The following USH2A variants were observed in gnomAD, a reference collection of about 807,000 sequenced individuals.
USH2A encodes the protein usherin.
USH2A carries 443 observed loss-of-function variants against 538.9 expected under a neutral mutation model. That is an observed-to-expected ratio of 0.82 (90% CI 0.76 to 0.89). The LOEUF (loss-of-function observed/expected upper bound fraction) is 0.89. Ranked by LOEUF, USH2A falls within the 40% of genes least tolerant of loss-of-function variation. USH2A has a pLI of 0.00. For missense variants in USH2A, 6,633 were observed against 6,324.8 expected, an observed-to-expected ratio of 1.05 and a Z score of -1.65; for synonymous variants, 2,413 against 2,273.5, an observed-to-expected ratio of 1.06 and a Z score of -1.75.
chr1:216,411,760 G>A (rs1382943867), intron 3 of USH2A, among the ~76,000 whole-genome samples: 1 of 152,076 alleles, frequency 6.6e-6, no homozygotes, highest in Non-Finnish European at 1.5e-5. Context: ...GGATTCTAGA[G>A]GTTTCAGAAA....
intron 38 of USH2A, among the ~76,000 whole-genome samples, chr1:215,917,925 T>C (rs1396957496): frequency 6.6e-6 from 1 of 151,836 alleles, no homozygotes; most frequent in Non-Finnish European, 1.5e-5. Flanking sequence ...ACTGTGCCAC[T>C]ACACTCTAGC....
At chr1:215,702,710 G>A (rs1447345524) in intron 61 of USH2A, among the ~76,000 whole-genome samples, 1 of 151,552 alleles carries the variant, frequency 6.6e-6, no homozygotes, top group East Asian at 2.0e-4. Context: ...AGCAGTTCCT[G>A]TAACCTTTTT....
At chr1:215,981,034 A>G (rs1446857434) in intron 35 of USH2A, among the ~76,000 whole-genome samples, 1 of 152,166 alleles carries the variant, frequency 6.6e-6, no homozygotes, top group South Asian at 2.1e-4. Context: ...AAGTATGTCA[A>G]TTCTAGTGTA....
chr1:216,129,489 G>A (rs2033324239), intron 21 of USH2A, among the ~76,000 whole-genome samples: 1 of 150,812 alleles, frequency 6.6e-6, no homozygotes, highest in Non-Finnish European at 1.5e-5. Context: ...TAAAATACCT[G>A]GAATAAACTA....
At chr1:216,011,141 T>A (rs1216418243) in intron 32 of USH2A, among the ~76,000 whole-genome samples, 1 of 152,176 alleles carries the variant, frequency 6.6e-6, no homozygotes, top group Admixed American at 6.5e-5. Context: ...TCAGGATCTA[T>A]GCCTTATCAA....
chr1:216,255,402 A>G (rs1440960307), intron 11 of USH2A, among the ~76,000 whole-genome samples: 2 of 152,194 alleles, frequency 1.3e-5, no homozygotes, highest in Admixed American at 1.3e-4. Flanking sequence ...CATATTGGGT[A>G]TCTCACAATT....
chr1:215,891,529 A>G (rs1665210705), intron 40 of USH2A, among the ~76,000 whole-genome samples: 1 of 152,230 alleles, frequency 6.6e-6, no homozygotes, highest in Admixed American at 6.5e-5. Context: ...ATGAGTAATA[A>G]CTATAATTGG....
intron 36 of USH2A, among the ~76,000 whole-genome samples, chr1:215,969,009 T>C (rs1667427541): frequency 6.6e-6 from 1 of 152,188 alleles, no homozygotes; most frequent in South Asian, 2.1e-4. Context: ...TCCTTCATGA[T>C]TGTGCTAGCC....
At chr1:216,152,515 C>A (rs552579527) in intron 21 of USH2A, among the ~76,000 whole-genome samples, 1 of 151,968 alleles carries the variant, frequency 6.6e-6, no homozygotes, top group East Asian at 2.0e-4. Context: ...AGAGAACAAA[C>A]CCCCTTTGAC....
intron 38 of USH2A, among the ~76,000 whole-genome samples, chr1:215,914,863 G>C (rs1166611003): frequency 6.6e-6 from 1 of 152,114 alleles, no homozygotes; most frequent in Non-Finnish European, 1.5e-5. Context: ...AAAGTTCAAA[G>C]TTTTGGTAAA....
chr1:215,670,359 G>T (rs1657774797), intron 64 of USH2A, among the ~76,000 whole-genome samples: 1 of 152,156 alleles, frequency 6.6e-6, no homozygotes, highest in Non-Finnish European at 1.5e-5. Flanking sequence ...ATCACAAGAA[G>T]AATGCAAATG....
At chr1:216,155,758 C>A (rs868265510) in intron 21 of USH2A, among the ~76,000 whole-genome samples, 12 of 152,088 alleles carry the variant, frequency 7.9e-5, no homozygotes, top group African/African-American at 2.9e-4. Flanking sequence ...GCAAGCAGAA[C>A]CTTTTGCCTT....
intron 40 of USH2A, among the ~76,000 whole-genome samples, chr1:215,899,824 G>T (rs1049517829): frequency 3.9e-5 from 6 of 152,090 alleles, no homozygotes; most frequent in Admixed American, 3.3e-4. Flanking sequence ...ATAGAATGGG[G>T]CCATATCATA....
At chr1:216,077,018 G>T (rs2031775955) in intron 27 of USH2A, among the ~76,000 whole-genome samples, 1 of 152,228 alleles carries the variant, frequency 6.6e-6, no homozygotes, top group East Asian at 1.9e-4. Context: ...GAGAGACTTA[G>T]TGTCTTGCTA....
At chr1:216,311,285 C>T (rs1244086510) in intron 9 of USH2A, among the ~76,000 whole-genome samples, 1 of 152,178 alleles carries the variant, frequency 6.6e-6, no homozygotes, top group Non-Finnish European at 1.5e-5. Context: ...GGACAGGTCT[C>T]TTTCCGGTAA....
chr1:216,076,973 G>T (rs1430929605), intron 27 of USH2A, among the ~76,000 whole-genome samples: 2 of 152,144 alleles, frequency 1.3e-5, no homozygotes, highest in African/African-American at 4.8e-5. Context: ...AGCATTGACT[G>T]TAAAAAGGAG....
intron 56 of USH2A, among the ~76,000 whole-genome samples, chr1:215,762,401 G>T (rs904154445): frequency 2.0e-5 from 3 of 152,148 alleles, no homozygotes; most frequent in African/African-American, 7.2e-5. Flanking sequence ...TGTGGATGTG[G>T]AGGAGCTAAT....
rs554998824 is a variant in USH2A at position 216,410,442 on chromosome 1, G to A, written c.651+8072C>T. Among the ~76,000 whole-genome samples, 11 of 151,990 alleles carry A rather than the reference G, an allele frequency of 7.2e-5. No homozygotes were observed. In the South Asian group the frequency reaches 2.1e-3, roughly 29 times the overall value. On this transcript the variant is annotated intron_variant, in intron 3 of 71. Transcript: ENST00000307340. ...CACTGTTCACAATAGCAAAGATATG[G>A]AACCAACCTAAATGCTCATCAATGG...
At chr1:215,980,798 A>AT (rs1282581947) in intron 35 of USH2A, among the ~76,000 whole-genome samples, 1 of 152,086 alleles carries the variant, frequency 6.6e-6, no homozygotes, top group Non-Finnish European at 1.5e-5. Context: ...TACTTCACTC[A>AT]TTTTCATTAC....
Sources: allele counts gnomAD v4.1 joint callset (sites outside exome capture counted in the v4.1 genomes callset), GRCh38; gene constraint gnomAD v4.1.1; transcripts MANE v1.5; gene names NCBI Gene and HGNC (gene_info 2026-07-23, HGNC 2026-07-21).